The following DLGAP2 variants were observed in gnomAD, a reference collection of about 807,000 sequenced individuals.
DLGAP2 encodes DLG associated protein 2.
A neutral mutation model predicts 100.3 loss-of-function variants in DLGAP2; 26 were observed. The ratio of observed to expected loss-of-function variants is 0.26; its 90% CI spans 0.19 to 0.36. The LOEUF is 0.36. Among genes scored for constraint, DLGAP2 ranks in the 10% least tolerant of loss-of-function variants. The pLI is 1.00. For synonymous variants in DLGAP2, 886 were observed against 630.1 expected (o/e 1.41, Z -6.08); for missense variants, 1,858 against 1,453.2 (o/e 1.28, Z -4.53).
At chr8:1,449,641 C>A (rs1311008630) in intron 3 of DLGAP2, among the ~76,000 whole-genome samples, 1 of 152,140 alleles carries the variant, frequency 6.6e-6, no homozygotes, top group African/African-American at 2.4e-5. Flanking sequence ...GCTGAGGGTC[C>A]CTGGGCCACA....
At chr8:820,147 G>T (rs753931434) in intron 1 of DLGAP2, among the ~76,000 whole-genome samples, 8 of 152,092 alleles carry the variant, frequency 5.3e-5, no homozygotes, top group Non-Finnish European at 1.2e-4. Flanking sequence ...AAATTTGTTG[G>T]GATAACTGGT....
At chr8:1,514,183 A>G (rs142878057) in intron 4 of DLGAP2, among the ~76,000 whole-genome samples, 1 of 152,282 alleles carries the variant, frequency 6.6e-6, no homozygotes, top group Non-Finnish European at 1.5e-5. Context: ...GTGACGGGAA[A>G]GAGGAATTGT....
At chr8:1,119,259 C>G (rs372313104) in intron 2 of DLGAP2, among the ~76,000 whole-genome samples, 2 of 152,196 alleles carry the variant, frequency 1.3e-5, no homozygotes, top group Non-Finnish European at 2.9e-5. Context: ...TGTAGGACTA[C>G]TTTTATTTCA....
At chr8:1,673,986 A>G (rs924129897) in intron 10 of DLGAP2, among the ~76,000 whole-genome samples, 8 of 152,150 alleles carry the variant, frequency 5.3e-5, no homozygotes, top group Admixed American at 1.3e-4. Context: ...ATTGTTGTCC[A>G]TGGCACCTGT....
At chr8:1,077,112 C>T (rs1459700847) in intron 2 of DLGAP2, among the ~76,000 whole-genome samples, 2 of 152,186 alleles carry the variant, frequency 1.3e-5, no homozygotes, top group Non-Finnish European at 2.9e-5. Context: ...GGTTCCGTGG[C>T]CTGATAGTCC....
At chr8:972,315 A>T (rs1423607539) in intron 2 of DLGAP2, among the ~76,000 whole-genome samples, 1 of 152,236 alleles carries the variant, frequency 6.6e-6, no homozygotes, top group Non-Finnish European at 1.5e-5. Flanking sequence ...CAAAGCAAGC[A>T]CCAAAATAAG....
chr8:1,633,117 C>T (rs1382508023), intron 8 of DLGAP2, 71 bp downstream of exon 8: 44 of 1,476,946 alleles, frequency 3.0e-5, no homozygotes, highest in Non-Finnish European at 3.6e-5. Flanking sequence ...CTAGAAGGAG[C>T]GAGCAGCACA....
chr8:1,195,969 G>A (rs538750423), intron 2 of DLGAP2, among the ~76,000 whole-genome samples: 4 of 152,314 alleles, frequency 2.6e-5, no homozygotes, highest in African/African-American at 9.6e-5. Flanking sequence ...TGTTTGGATT[G>A]TCACACTGGG....
At chr8:1,130,997 T>G (rs1331300844) in intron 2 of DLGAP2, among the ~76,000 whole-genome samples, 2 of 152,224 alleles carry the variant, frequency 1.3e-5, no homozygotes, top group African/African-American at 4.8e-5. Context: ...CACAGCTTAC[T>G]CCGTACACAT....
At chr8:786,566 C>T (rs1198715115) in intron 1 of DLGAP2, among the ~76,000 whole-genome samples, 1 of 152,026 alleles carries the variant, frequency 6.6e-6, no homozygotes, top group Admixed American at 6.5e-5. Context: ...GGTGAGTGGC[C>T]CTGAGCGCAC....
At chr8:890,059 C>G (rs541710858) in intron 1 of DLGAP2, among the ~76,000 whole-genome samples, 3 of 152,296 alleles carry the variant, frequency 2.0e-5, no homozygotes, top group African/African-American at 7.2e-5. Context: ...TCTTCCTCCT[C>G]TCTGTGGGTC....
At chr8:1,453,260 G>A (rs1384103078) in intron 3 of DLGAP2, among the ~76,000 whole-genome samples, 4 of 152,168 alleles carry the variant, frequency 2.6e-5, no homozygotes, top group Non-Finnish European at 5.9e-5. Context: ...GTGCTGGCCG[G>A]TCAGGCTGGG....
intron 3 of DLGAP2, among the ~76,000 whole-genome samples, chr8:1,422,324 C>A (rs1797113939): frequency 6.6e-6 from 1 of 151,898 alleles, no homozygotes; most frequent in African/African-American, 2.4e-5. Context: ...TGCATTCCAG[C>A]AATTAATTAT....
chr8:1,633,119 A>T (rs1051340854), intron 8 of DLGAP2, 73 bp downstream of exon 8: 37 of 1,389,662 alleles, frequency 2.7e-5, no homozygotes, highest in Non-Finnish European at 3.6e-5. Flanking sequence ...AGAAGGAGCG[A>T]GCAGCACACA....
chr8:1,320,637 A>G lies in DLGAP2; in HGVS notation c.106+61754A>G, dbSNP rs137882505. Among the ~76,000 whole-genome samples, 538 of 152,264 alleles carry G rather than the reference A, an allele frequency of 3.5e-3. 2 individuals are homozygous for G. Among genetic ancestry groups the G allele is most frequent in the African/African-American group, 0.012 (500 of 41,542 alleles). On this transcript the variant is annotated intron_variant, in intron 3 of 14. Coordinates refer to ENST00000637795, the MANE Select transcript of DLGAP2 (RefSeq NM_001346810.2). ...TTCTAAGTTCTGGTCATATGGGACT[A>G]ATTGCAGGTGTCCCCAAGCACGACA...
chr8:1,270,978 A>G (rs1799571251), intron 3 of DLGAP2, among the ~76,000 whole-genome samples: 1 of 152,172 alleles, frequency 6.6e-6, no homozygotes, highest in African/African-American at 2.4e-5. Flanking sequence ...TGTTGCAAAA[A>G]GGTAGATGGG....
chr8:1,464,173 GCACCCGTCCAGGACA>G (rs1798541369), intron 3 of DLGAP2, among the ~76,000 whole-genome samples: 1 of 147,108 alleles, frequency 6.8e-6, no homozygotes, highest in African/African-American at 2.5e-5. Flanking sequence ...TTCCAGGACA[GCACCCGTCCAGGACA>G]GCTCCCTTCC....
At chr8:1,291,364 A>G in intron 3 of DLGAP2, among the ~76,000 whole-genome samples, 1 of 152,066 alleles carries the variant, frequency 6.6e-6, no homozygotes, top group East Asian at 1.9e-4. Flanking sequence ...AGGAGTAGCT[A>G]TTTTTCTATC....
chr8:762,685 T>A (rs1040563811), intron 1 of DLGAP2, among the ~76,000 whole-genome samples: 1 of 152,020 alleles, frequency 6.6e-6, no homozygotes, highest in Non-Finnish European at 1.5e-5. Context: ...GTTGATTGAT[T>A]GAAGGAGACA....
Sources: allele counts gnomAD v4.1 joint callset (sites outside exome capture counted in the v4.1 genomes callset), GRCh38; gene constraint gnomAD v4.1.1; transcripts MANE v1.5; gene names NCBI Gene and HGNC (gene_info 2026-07-23, HGNC 2026-07-21).